The following NCOR2 variants were observed in gnomAD, a reference collection of about 807,000 sequenced individuals.
NCOR2 encodes CTG repeat protein 26.
NCOR2 carries 81 observed loss-of-function variants against 262.9 expected under a neutral mutation model. The observed-to-expected ratio is 0.31, with a 90% CI of 0.26 to 0.37. NCOR2 has a LOEUF of 0.37. NCOR2 is among the 10% of genes least tolerant of loss of function. NCOR2 has a pLI of 1.00. For synonymous variants in NCOR2, 1,659 were observed against 1,559.3 expected (o/e 1.06, Z -1.51); for missense variants, 3,385 against 3,621.4 (o/e 0.93, Z 1.68).
chr12:124,422,146 C>T (rs533275951), intron 12 of NCOR2, among the ~76,000 whole-genome samples: 1 of 152,342 alleles, frequency 6.6e-6, no homozygotes, highest in African/African-American at 2.4e-5. Flanking sequence ...CAGAATCCAC[C>T]CCCAGTTTGC....
At chr12:124,383,879 G>T (rs1047704015) in intron 17 of NCOR2, among the ~76,000 whole-genome samples, 7 of 152,200 alleles carry the variant, frequency 4.6e-5, no homozygotes, top group Non-Finnish European at 1.0e-4. Context: ...GGGGTCTCTG[G>T]TCCTCCAAGC....
chr12:124,422,913 T>G (rs2043306107), intron 11 of NCOR2, among the ~76,000 whole-genome samples: 1 of 152,108 alleles, frequency 6.6e-6, no homozygotes, highest in African/African-American at 2.4e-5. Flanking sequence ...TCCAGCTGGA[T>G]CTGGGAAGCA....
upstream of NCOR2, among the ~76,000 whole-genome samples, chr12:124,536,570 G>A (rs1045237283): frequency 3.9e-5 from 6 of 152,088 alleles, no homozygotes; most frequent in African/African-American, 9.7e-5. Flanking sequence ...GATGCCCAAC[G>A]TCATCAGTCC....
intron 1 of NCOR2, among the ~76,000 whole-genome samples, chr12:124,515,030 C>G (rs2049637040): frequency 1.3e-5 from 2 of 152,124 alleles, no homozygotes; most frequent in South Asian, 4.1e-4. Context: ...AACACCCTTA[C>G]AGCAGCTCAG....
intron 2 of NCOR2, 80 bp downstream of exon 4, chr12:124,486,361 G>T: frequency 1.3e-6 from 2 of 1,571,812 alleles, no homozygotes; most frequent in Admixed American, 1.9e-5. Context: ...GTGTGCTCCT[G>T]CTCTGCCACG....
chr12:124,386,559 A>G (rs529719999), intron 16 of NCOR2, among the ~76,000 whole-genome samples: 1 of 152,116 alleles, frequency 6.6e-6, no homozygotes, highest in Non-Finnish European at 1.5e-5. Context: ...ATTTGCTCCC[A>G]AACCCCAACC....
intron 4 of NCOR2, among the ~76,000 whole-genome samples, chr12:124,472,636 T>C (rs970727928): frequency 6.6e-6 from 1 of 152,254 alleles, no homozygotes; most frequent in Non-Finnish European, 1.5e-5. Context: ...TGCTGTCTAA[T>C]GCGGCAGCCT....
chr12:124,339,904 C>CCAAAAACA, intron 37 of NCOR2, 102 bp downstream of exon 39: 7 of 776,826 alleles, frequency 9.0e-6, no homozygotes, highest in African/African-American at 3.5e-5. Flanking sequence ...CCCACCCACC[C>CCAAAAACA]ACCTCCCATA....
intron 5 of NCOR2, among the ~76,000 whole-genome samples, chr12:124,462,661 C>A (rs967295209): frequency 6.6e-6 from 1 of 152,210 alleles, no homozygotes; most frequent in Non-Finnish European, 1.5e-5. Flanking sequence ...GGCCACAGGA[C>A]GGGGTCTGAA....
At chr12:124,403,591 C>G (rs552531625) in intron 13 of NCOR2, among the ~76,000 whole-genome samples, 1 of 152,154 alleles carries the variant, frequency 6.6e-6, no homozygotes, top group Non-Finnish European at 1.5e-5. Context: ...CTGAGCCAAG[C>G]GAAATAAAAA....
Position 124,493,845 on chromosome 12 carries a change from G to A in NCOR2, c.105+1302C>T, listed in dbSNP as rs577871987. Among the ~76,000 whole-genome samples, 4 of 152,296 alleles carry A rather than the reference G, an allele frequency of 2.6e-5. No homozygotes were observed. The South Asian group carries it at 8.3e-4, about 32-fold the overall frequency. ...GGGGGACACAGAAGCTTGGAGCCCC[G>A]ATGCTGTGGCAGCCTCCCCACTTAG... is the stretch of plus-strand genomic sequence containing the variant. On this transcript the variant is annotated intron_variant, in intron 1 of 46. Transcript: ENST00000405201.
chr12:124,492,294 G>A (rs879902721), intron 1 of NCOR2, among the ~76,000 whole-genome samples: 3 of 152,190 alleles, frequency 2.0e-5, no homozygotes, highest in Non-Finnish European at 4.4e-5. Context: ...CCAGGACACC[G>A]GTACTGCAGG....
At chr12:124,339,904 C>CCCCTCCCATAT in intron 37 of NCOR2, 102 bp downstream of exon 39, 11 of 776,816 alleles carry the variant, frequency 1.4e-5, no homozygotes, top group South Asian at 5.5e-5. Context: ...CCCACCCACC[C>CCCCTCCCATAT]ACCTCCCATA....
At chr12:124,354,135 C>G in exon 27 of NCOR2, 1 of 1,610,566 alleles carries the variant, frequency 6.2e-7, no homozygotes, top group Non-Finnish European at 8.5e-7. Context: ...TGTCCGAGGG[C>G]ACCCGTGTGC....
intron 13 of NCOR2, among the ~76,000 whole-genome samples, chr12:124,407,588 C>T (rs980538600): frequency 1.3e-5 from 2 of 152,092 alleles, no homozygotes; most frequent in African/African-American, 2.4e-5. Flanking sequence ...AATAGCAGGT[C>T]GCAGGAAGGA....
chr12:124,378,318 A>G lies in NCOR2; in HGVS notation c.2086T>C (p.Phe696Leu), dbSNP rs1158575353. ...TCCTCATCCTCCACCACGGGCGGGA[A>G]TGCAGCCTCCTCGCTGGCCGCCGCC... is the stretch of plus-strand genomic sequence containing the variant. The change falls in exon 18 of 47, where the codon TTC (phenylalanine) becomes CTC (leucine). Residue 696 changes from phenylalanine to leucine, a missense_variant. This residue lies in a region of NCOR2 where 515 missense variants were observed against 781.2 expected (regional missense o/e 0.66). Coordinates refer to ENST00000405201, the Ensembl canonical transcript of NCOR2. The surrounding 1 kb of genome is among the most constrained non-coding windows in gnomAD (Gnocchi z 4.2). 6.2e-7 allele frequency: 1 copy of G among 1,613,950 alleles called. No homozygotes were observed. The highest frequency in any genetic ancestry group is 1.3e-5 in the African/African-American group (1 of 75,042).
intron 1 of NCOR2, among the ~76,000 whole-genome samples, chr12:124,524,880 T>C (rs916812826): frequency 6.6e-5 from 10 of 152,226 alleles, no homozygotes; most frequent in Non-Finnish European, 1.5e-4. Flanking sequence ...CCCCTCTGGA[T>C]ACTAAACTCG....
chr12:124,498,195 T>C (rs2048478540), upstream of NCOR2, among the ~76,000 whole-genome samples: 1 of 152,206 alleles, frequency 6.6e-6, no homozygotes, highest in Non-Finnish European at 1.5e-5. Context: ...CCGAGAGGTC[T>C]CATTTACCCA....
intron 13 of NCOR2, among the ~76,000 whole-genome samples, chr12:124,404,275 G>T (rs1052684908): frequency 3.9e-5 from 6 of 152,192 alleles, no homozygotes; most frequent in African/African-American, 1.4e-4. Flanking sequence ...CATGGATGCC[G>T]TCTCCCCGGG....
Sources: allele counts gnomAD v4.1 joint callset (sites outside exome capture counted in the v4.1 genomes callset), GRCh38; gene constraint gnomAD v4.1.1; regional missense constraint gnomAD v4.1.1; non-coding constraint Gnocchi (gnomAD v3.1); transcripts MANE v1.5; gene names NCBI Gene and HGNC (gene_info 2026-07-23, HGNC 2026-07-21).